The following TSPEAR variants were observed in gnomAD, a reference collection of about 807,000 sequenced individuals.
TSPEAR encodes the protein thrombospondin type laminin G domain and EAR repeats, also known as thrombospondin-type laminin G domain and EAR repeat-containing protein.
A neutral mutation model predicts 71.6 loss-of-function variants in TSPEAR; 69 were observed. The ratio of observed to expected loss-of-function variants is 0.96; its 90% CI spans 0.79 to 1.18. The LOEUF is 1.18. Among genes scored for constraint, TSPEAR ranks in the 50% most tolerant of loss-of-function variants. The pLI, the probability that TSPEAR is intolerant of heterozygous loss-of-function variation, is 0.00. For missense variants in TSPEAR, 971 were observed against 894.9 expected, an observed-to-expected ratio of 1.09 and a Z score of -1.09; for synonymous variants, 402 against 387.2, an observed-to-expected ratio of 1.04 and a Z score of -0.45.
intron 2 of TSPEAR, among the ~76,000 whole-genome samples, chr21:44,551,816 G>A (rs1157107041): frequency 2.0e-5 from 3 of 152,166 alleles, no homozygotes; most frequent in Non-Finnish European, 4.4e-5. Context: ...GGCAGGTCCC[G>A]TGACTGTGCC....
rs1555921939 is a variant in TSPEAR at position 44,567,884 on chromosome 21, G to T, written c.204C>A (p.Thr68=). The change falls in exon 2 of 12, where the codon ACC becomes ACA. Residue 68 remains threonine, a synonymous_variant. Coordinates refer to ENST00000323084, the MANE Select transcript of TSPEAR (RefSeq NM_144991.3). ...GLQLSVAAPR[T]MSFPASRIFS... ...AAATCCTGGATGCTGGGAAGCTCAT[G>T]GTGCGGGGGGCGGCTACTGAGAGCT... 6.2e-7 allele frequency: 1 copy of T among 1,608,330 alleles called. No individual in the cohort carries two copies. The highest frequency in any genetic ancestry group is 8.5e-7 in the Non-Finnish European group (1 of 1,176,378).
intron 9 of TSPEAR, chr21:44,517,743 C>G (rs1351516218): frequency 4.2e-6 from 2 of 470,930 alleles, no homozygotes; most frequent in Non-Finnish European, 8.8e-6. Context: ...GTGGACATCA[C>G]TCGCCTTCAG....
intron 1 of TSPEAR, among the ~76,000 whole-genome samples, chr21:44,625,431 A>G (rs587747142): frequency 6.7e-6 from 1 of 150,042 alleles, no homozygotes; most frequent in East Asian, 1.9e-4. Flanking sequence ...GGTCTCTACA[A>G]AAAAAATTTT....
At chr21:44,654,164 A>G in intron 1 of TSPEAR, 2 of 828,472 alleles carry the variant, frequency 2.4e-6, no homozygotes, top group South Asian at 1.6e-5. Flanking sequence ...CAGGCGGTCT[A>G]GTCAGGTGAC....
intron 2 of TSPEAR, among the ~76,000 whole-genome samples, chr21:44,549,001 C>A (rs1485332942): frequency 4.6e-5 from 7 of 152,230 alleles, no homozygotes; most frequent in Non-Finnish European, 1.0e-4. Flanking sequence ...TATCTTTGCG[C>A]AGAGAAGTGC....
chr21:44,666,683 C>G (rs1555944828), intron 1 of TSPEAR: 1 of 1,613,030 alleles, frequency 6.2e-7, no homozygotes, highest in Admixed American at 1.7e-5. Flanking sequence ...ACTTGAAGCT[C>G]ATGGGCACAC....
At chr21:44,646,842 G>T (rs1984429144) in intron 1 of TSPEAR, 2 of 1,575,646 alleles carry the variant, frequency 1.3e-6, no homozygotes, top group Non-Finnish European at 1.7e-6. Context: ...CGTGCTGCCG[G>T]CAGTCTAGCT....
At chr21:44,604,753 G>T (rs587672423) in intron 1 of TSPEAR, among the ~76,000 whole-genome samples, 1 of 152,322 alleles carries the variant, frequency 6.6e-6, no homozygotes, top group African/African-American at 2.4e-5. Context: ...TCGTGATGAG[G>T]TGCGTCTCTT....
At chr21:44,601,251 G>C in intron 1 of TSPEAR, 1 of 1,609,250 alleles carries the variant, frequency 6.2e-7, no homozygotes, top group Non-Finnish European at 8.5e-7. Flanking sequence ...CGTGCTGCCA[G>C]CAGTCTAGCT....
In TSPEAR at chr21:44,611,089, C is replaced by A. The variant is rs1186455345; in HGVS notation, c.83-43084G>T. 3.9e-5 allele frequency among the ~76,000 whole-genome samples: 6 copies of A among 152,122 alleles called. No individual in the cohort carries two copies. In the South Asian group the frequency reaches 1.2e-3, roughly 32 times the overall value. On this transcript the variant is annotated intron_variant, in intron 1 of 11. Coordinates refer to ENST00000323084, the MANE Select transcript of TSPEAR (RefSeq NM_144991.3). Reference sequence around the variant, plus strand: ...GTCTTGTCTCAGATGAAACTTTGGACTGTGGACTTTTGGGTTAATGCTGAA... The same window carrying A: ...GTCTTGTCTCAGATGAAACTTTGGAATGTGGACTTTTGGGTTAATGCTGAA...
At chr21:44,524,643 CAGTT>C (rs1345884768) in intron 8 of TSPEAR, among the ~76,000 whole-genome samples, 22 of 151,302 alleles carry the variant, frequency 1.5e-4, no homozygotes, top group South Asian at 4.2e-4. Flanking sequence ...AGTCATCAGT[CAGTT>C]AGGTAGTTAG....
Position 44,504,242 on chromosome 21 carries a change from G to T in TSPEAR, c.1856+538C>A, listed in dbSNP as rs149096313. Among the ~76,000 whole-genome samples the T allele has an allele frequency of 1.1e-3, 145 of 132,880 alleles. 1 individual carries two copies. The highest frequency in any genetic ancestry group is 4.2e-3 in the African/African-American group (135 of 31,786). The allele number at this position is 132,880 out of a possible 152,430, so 87.2% of individuals were successfully genotyped here. A position where few individuals can be genotyped will look rare whatever the true frequency, so the allele number is the denominator to read the frequency against. ...AAGCCGGCCTCGGTGAGCCCTCGGG[G>T]GGTAGCTGGCCTCGGTGAGCCCTCA... On this transcript the variant is annotated intron_variant, in intron 11 of 11. Transcript: ENST00000323084.
rs192720171 is a variant in TSPEAR, at chr21:44,659,675, C to T, written c.82+51758G>A. ...ACAGTTCACCCCTGTAACCCCAGCA[C>T]ATTGGGAGGCTGAGGCTGGAGAGTC... On this transcript the variant is annotated intron_variant, in intron 1 of 11. Coordinates refer to ENST00000323084, the MANE Select transcript of TSPEAR (RefSeq NM_144991.3). Among the ~76,000 whole-genome samples the T allele has an allele frequency of 6.8e-3, 1,033 of 152,268 alleles. 21 individuals carry two copies. Among genetic ancestry groups the T allele is most frequent in the Non-Finnish European group, 5.3e-3 (360 of 68,022 alleles).
intron 2 of TSPEAR, among the ~76,000 whole-genome samples, chr21:44,538,145 C>T (rs1427258853): frequency 2.0e-5 from 3 of 152,190 alleles, no homozygotes; most frequent in African/African-American, 4.8e-5. Flanking sequence ...CGGGCATTCT[C>T]ATCAGCGTTT....
chr21:44,676,763 T>G (rs932311960), intron 1 of TSPEAR: 8 of 821,728 alleles, frequency 9.7e-6, no homozygotes, highest in Non-Finnish European at 1.7e-5. Flanking sequence ...TCAGCCTGCA[T>G]TTTACTTCCA....
chr21:44,683,716 C>T (rs773874559), intron 1 of TSPEAR, among the ~76,000 whole-genome samples: 1 of 150,304 alleles, frequency 6.7e-6, no homozygotes, highest in African/African-American at 2.5e-5. Context: ...ATTTAATTCA[C>T]TGTTAAAAAA....
At chr21:44,679,142 C>T (rs1986461728) in intron 1 of TSPEAR, among the ~76,000 whole-genome samples, 1 of 152,126 alleles carries the variant, frequency 6.6e-6, no homozygotes, top group Admixed American at 6.5e-5. Flanking sequence ...CTTACCACCA[C>T]CCAAGACACA....
chr21:44,518,540 C>G, intron 9 of TSPEAR: 1 of 428,752 alleles, frequency 2.3e-6, no homozygotes, highest in Non-Finnish European at 4.9e-6. Context: ...GCAGGACCTC[C>G]AGGACAGCAG....
intron 8 of TSPEAR, among the ~76,000 whole-genome samples, chr21:44,525,101 TGTCA>T (rs1422843147): frequency 1.0e-4 from 15 of 148,590 alleles, no homozygotes; most frequent in Non-Finnish European, 1.8e-4. Flanking sequence ...TCATTCAGGT[TGTCA>T]GTCAGCCAAT....
Sources: gnomAD v4.1 joint callset for allele counts (sites outside exome capture counted in the v4.1 genomes callset) on GRCh38, gnomAD v4.1.1 for gene constraint, MANE v1.5 for transcripts, NCBI Gene and HGNC (gene_info 2026-07-23, HGNC 2026-07-21) for gene names.